The following YWHAE variants were observed in gnomAD, a reference collection of about 807,000 sequenced individuals.
The protein encoded by YWHAE is tyrosine 3-monooxygenase/tryptophan 5-monooxygenase activation protein epsilon.
Under a neutral mutation model 30.1 loss-of-function variants are expected in YWHAE, and 4 were observed. The ratio of observed to expected loss-of-function variants is 0.13; its 90% confidence interval spans 0.07 to 0.30. YWHAE has a LOEUF of 0.30. YWHAE is among the 10% of genes least tolerant of loss of function. The probability of loss-of-function intolerance (pLI) is 1.00; values close to 1 mark genes in which losing one functional copy is unlikely to be tolerated. For missense variants in YWHAE, 121 were observed against 315.9 expected, an observed-to-expected ratio of 0.38 and a Z score of 4.68; for synonymous variants, 118 against 111.8, an observed-to-expected ratio of 1.06 and a Z score of -0.35.
intron 1 of YWHAE, among the ~76,000 whole-genome samples, chr17:1,392,686 CT>C (rs1470770898): frequency 1.3e-5 from 2 of 151,772 alleles, no homozygotes; most frequent in Non-Finnish European, 2.9e-5. Context: ...TCTGTCTCTA[CT>C]AAAAATACAA....
At chr17:1,370,397 C>T (rs1054774676) in intron 1 of YWHAE, among the ~76,000 whole-genome samples, 1 of 151,748 alleles carries the variant, frequency 6.6e-6, no homozygotes, top group African/African-American at 2.4e-5. Context: ...TCCCAAAGTG[C>T]TGGGATTACA....
At chr17:1,388,852 T>C (rs534494352) in intron 1 of YWHAE, among the ~76,000 whole-genome samples, 2 of 152,338 alleles carry the variant, frequency 1.3e-5, no homozygotes, top group South Asian at 4.1e-4. Context: ...ACAGTGACAA[T>C]ATTTTCTGGT....
At position 1,355,890 on chromosome 17, in the gene YWHAE, C is replaced by G. The variant is rs12936902; in HGVS notation, c.579-1543G>C. ...CTATTAAAAACACAAAAAATTAGGC[C>G]GGGTGCAGTGGCTCAAGCCTGTAAT... is the stretch of plus-strand genomic sequence containing the variant. On this transcript the variant is annotated intron_variant, in intron 4 of 5. Coordinates refer to ENST00000264335, the MANE Select transcript of YWHAE (RefSeq NM_006761.5). 2.4e-3 allele frequency among the ~76,000 whole-genome samples: 371 copies of G among 151,980 alleles called. 1 individual carries two copies. The highest frequency in any genetic ancestry group is 8.5e-3 in the African/African-American group (351 of 41,498).
intron 1 of YWHAE, among the ~76,000 whole-genome samples, chr17:1,366,671 G>A (rs552794023): frequency 1.8e-4 from 27 of 151,796 alleles, no homozygotes; most frequent in African/African-American, 3.6e-4. Flanking sequence ...GGACGGGCAC[G>A]GTGGATCACA....
intron 1 of YWHAE, among the ~76,000 whole-genome samples, chr17:1,392,947 A>T (rs1301758339): frequency 6.6e-6 from 1 of 152,010 alleles, no homozygotes; most frequent in African/African-American, 2.4e-5. Flanking sequence ...TCACGCCTAT[A>T]ATCCCAGCAC....
intron 1 of YWHAE, among the ~76,000 whole-genome samples, chr17:1,396,547 G>C (rs533973861): frequency 6.6e-6 from 1 of 152,294 alleles, no homozygotes; most frequent in East Asian, 1.9e-4. Flanking sequence ...AAGAGACTAG[G>C]AAAGGACAAA....
chr17:1,394,854 C>T (rs1157084532), intron 1 of YWHAE, among the ~76,000 whole-genome samples: 1 of 151,860 alleles, frequency 6.6e-6, no homozygotes. Flanking sequence ...GTAGTCCCAG[C>T]TACTCGGGAA....
At chr17:1,365,471 G>C (rs1473551028) in intron 1 of YWHAE, among the ~76,000 whole-genome samples, 1 of 152,134 alleles carries the variant, frequency 6.6e-6, no homozygotes, top group Non-Finnish European at 1.5e-5. Flanking sequence ...AAATACAAAA[G>C]GAAGGGGAAT....
chr17:1,396,590 TTA>T lies in YWHAE; in HGVS notation c.64+3455_64+3456del, dbSNP rs1203064432. The stretch of plus-strand genomic sequence containing the variant: ...ACAGCCCCACAAGCCCAAATGTAGT[TTA>T]TGTTACCCCTCTGCTCCCCAAAAAC... On this transcript the variant is annotated intron_variant, in intron 1 of 5. Transcript: ENST00000264335. Among the ~76,000 whole-genome samples, 6 of 152,152 alleles carry T rather than the reference TTA, an allele frequency of 3.9e-5. No individual in the cohort carries two copies. In the South Asian group the frequency reaches 6.2e-4, roughly 16 times the overall value.
intron 1 of YWHAE, among the ~76,000 whole-genome samples, chr17:1,371,043 A>G (rs1386042819): frequency 1.3e-5 from 2 of 152,042 alleles, no homozygotes; most frequent in Non-Finnish European, 2.9e-5. Flanking sequence ...ACACAACTAC[A>G]TCAGAGCTCC....
At position 1,399,960 on chromosome 17, in the gene YWHAE, G is replaced by A. The variant is rs1020545025; in HGVS notation, c.64+87C>T. On this transcript the variant is annotated intron_variant, in intron 1 of 5. Transcript: ENST00000264335. Reference sequence around the variant, plus strand: ...CCCCCGGGCCAGGCTCGCAGACGATGCCGCCATTTTGTCTCCTGTTCCCGG... The same window carrying A: ...CCCCCGGGCCAGGCTCGCAGACGATACCGCCATTTTGTCTCCTGTTCCCGG... 3.3e-6 allele frequency: 5 copies of A among 1,536,004 alleles called. No homozygotes were observed. In the Admixed American group the frequency reaches 6.7e-5, roughly 21 times the overall value.
rs71357188 is a variant in YWHAE, at chr17:1,345,419, G to A, written c.*28C>T. On this transcript the variant is annotated 3_prime_UTR_variant, in exon 6 of 6. Coordinates refer to ENST00000264335, the MANE Select transcript of YWHAE (RefSeq NM_006761.5). ...TGGGATGGGGAGGAGGGGGTGGTCA[G>A]AGATGGTTTCTCTTGTTGGCTTATG... 5.6e-6 allele frequency: 9 copies of A among 1,613,336 alleles called. No homozygotes were observed. The highest frequency in any genetic ancestry group is 1.7e-5 in the Admixed American group (1 of 59,970).
intron 1 of YWHAE, among the ~76,000 whole-genome samples, chr17:1,386,959 G>GAAA (rs11357704): frequency 7.0e-6 from 1 of 142,086 alleles, no homozygotes; most frequent in Non-Finnish European, 1.6e-5. Context: ...GTCTCAAAAG[G>GAAA]AAAAAAAAAA....
chr17:1,370,184 G>A (rs531089762), intron 1 of YWHAE, among the ~76,000 whole-genome samples: 5 of 139,408 alleles, frequency 3.6e-5, no homozygotes, highest in African/African-American at 1.3e-4. Context: ...TGGAGTGCCT[G>A]GGCGTGATCT....
intron 1 of YWHAE, 58 bp downstream of exon 1, chr17:1,399,989 C>A: frequency 6.2e-7 from 1 of 1,604,706 alleles, no homozygotes; most frequent in Middle Eastern, 1.7e-4. Context: ...TTCCCGGCCT[C>A]TGTGGGCGGC....
chr17:1,379,463 C>G (rs1299334797), intron 1 of YWHAE, among the ~76,000 whole-genome samples: 1 of 152,004 alleles, frequency 6.6e-6, no homozygotes, highest in Non-Finnish European at 1.5e-5. Flanking sequence ...CCAGCCTGGG[C>G]AAAGAAAGCA....
chr17:1,374,575 G>C (rs2073095860), intron 1 of YWHAE, among the ~76,000 whole-genome samples: 1 of 152,012 alleles, frequency 6.6e-6, no homozygotes, highest in Non-Finnish European at 1.5e-5. Context: ...TTCTAATCTG[G>C]CCACGTCCTC....
chr17:1,364,760 A>G (rs2072918355), intron 2 of YWHAE, 99 bp downstream of exon 2: 2 of 1,326,094 alleles, frequency 1.5e-6, no homozygotes, highest in Non-Finnish European at 2.1e-6. Context: ...AATACAAGTT[A>G]TATGAATGTA....
intron 2 of YWHAE, among the ~76,000 whole-genome samples, chr17:1,363,205 C>A (rs2072890069): frequency 6.6e-6 from 1 of 152,062 alleles, no homozygotes; most frequent in East Asian, 1.9e-4. Flanking sequence ...TTTTCAGTTC[C>A]TCTTCTCTTA....
Sources: gnomAD v4.1 joint callset for allele counts (sites outside exome capture counted in the v4.1 genomes callset) on GRCh38, gnomAD v4.1.1 for gene constraint, MANE v1.5 for transcripts, NCBI Gene and HGNC (gene_info 2026-07-23, HGNC 2026-07-21) for gene names.